Variants in SDK1 observed in about 807,000 individuals in gnomAD.
The protein encoded by SDK1 is protein sidekick-1.
A neutral mutation model predicts 245.5 loss-of-function variants in SDK1; 157 were observed. The ratio of observed to expected loss-of-function variants is 0.64; its 90% confidence interval spans 0.56 to 0.73. SDK1 has a LOEUF of 0.73. Among genes scored for constraint, SDK1 ranks in the 30% least tolerant of loss-of-function variants. SDK1 has a pLI of 0.00. For synonymous variants in SDK1, 1,647 were observed against 1,278.5 expected, an observed-to-expected ratio of 1.29 and a Z score of -6.15; for missense variants, 3,583 against 3,002.3, an observed-to-expected ratio of 1.19 and a Z score of -4.52.
At chr7:4,066,142 C>A (rs1393505788) in intron 19 of SDK1, among the ~76,000 whole-genome samples, 2 of 152,120 alleles carry the variant, frequency 1.3e-5, no homozygotes, top group East Asian at 3.9e-4. Context: ...TCATTCTTTT[C>A]CTCCCTTTTC....
At chr7:3,660,702 C>T (rs1318783897) in intron 4 of SDK1, among the ~76,000 whole-genome samples, 1 of 152,222 alleles carries the variant, frequency 6.6e-6, no homozygotes. Flanking sequence ...CTAGCTCATG[C>T]TTCACCCAGG....
intron 4 of SDK1, among the ~76,000 whole-genome samples, chr7:3,726,849 C>T (rs902241811): frequency 3.9e-5 from 6 of 152,198 alleles, no homozygotes; most frequent in African/African-American, 9.7e-5. Context: ...CTTTACTCAA[C>T]CCTTGACATG....
chr7:3,795,749 G>A (rs1778946598), intron 4 of SDK1, among the ~76,000 whole-genome samples: 2 of 152,130 alleles, frequency 1.3e-5, no homozygotes, highest in Admixed American at 1.3e-4. Flanking sequence ...AGTATTTGGT[G>A]TTCTTCCCAT....
chr7:4,060,604 T>G (rs1779477074), intron 19 of SDK1, among the ~76,000 whole-genome samples: 1 of 152,084 alleles, frequency 6.6e-6, no homozygotes, highest in African/African-American at 2.4e-5. Flanking sequence ...CTGTTCACTC[T>G]GATGGTAGTT....
At chr7:4,254,547 G>C (rs1192791406) in intron 44 of SDK1, among the ~76,000 whole-genome samples, 1 of 149,944 alleles carries the variant, frequency 6.7e-6, no homozygotes, top group Non-Finnish European at 1.5e-5. Context: ...GTCTCCTTTA[G>C]TTCTTTGAAC....
chr7:3,621,797 C>G (rs930806468), intron 2 of SDK1, among the ~76,000 whole-genome samples: 1 of 152,132 alleles, frequency 6.6e-6, no homozygotes, highest in Non-Finnish European at 1.5e-5. Context: ...TTAAAGAATT[C>G]TTTTGATTTT....
At chr7:3,519,586 G>GA (rs11461762) in intron 1 of SDK1, among the ~76,000 whole-genome samples, 106,099 of 151,892 alleles carry the variant, frequency 0.7, 37,387 homozygotes, top group South Asian at 0.81. Context: ...GAAATCCTGT[G>GA]AGTAGGTACT....
intron 17 of SDK1, among the ~76,000 whole-genome samples, chr7:4,040,361 C>G (rs1362288759): frequency 6.6e-6 from 1 of 152,100 alleles, no homozygotes; most frequent in African/African-American, 2.4e-5. Flanking sequence ...CCCGGGGGTC[C>G]GTGGCAACTG....
At chr7:4,083,843 G>C (rs548062701) in intron 22 of SDK1, among the ~76,000 whole-genome samples, 10 of 110,164 alleles carry the variant, frequency 9.1e-5, no homozygotes, top group Non-Finnish European at 1.4e-4. Context: ...CTCTCTCTCT[G>C]TCTGTCTCCC....
intron 5 of SDK1, among the ~76,000 whole-genome samples, chr7:3,899,478 G>C (rs567917192): frequency 2.0e-5 from 3 of 152,330 alleles, no homozygotes; most frequent in African/African-American, 7.2e-5. Flanking sequence ...TCTAGGAAGG[G>C]GGAGCAGTGT....
At chr7:4,193,314 A>C (rs1440632305) in intron 35 of SDK1, among the ~76,000 whole-genome samples, 1 of 136,898 alleles carries the variant, frequency 7.3e-6, no homozygotes, top group Non-Finnish European at 1.5e-5. Context: ...ATATTAATAT[A>C]TTTATACAAT....
chr7:3,826,070 G>A (rs914212797), intron 5 of SDK1, among the ~76,000 whole-genome samples: 3 of 152,124 alleles, frequency 2.0e-5, no homozygotes, highest in Non-Finnish European at 4.4e-5. Context: ...GCCATGCATC[G>A]AACCTGCTGT....
Position 3,940,581 on chromosome 7 carries a change from G to A in SDK1, c.848-10342G>A, listed in dbSNP as rs377260256. On this transcript the variant is annotated intron_variant, in intron 5 of 44. Transcript: ENST00000404826. ...GTGCTGACCGGGTGTGGTGGCTCAC[G>A]CCTGTAATCCCAGCACTTTGGGAGG... Among the ~76,000 whole-genome samples the A allele has an allele frequency of 4.2e-4, 64 of 152,156 alleles. No individual in the cohort carries two copies. The South Asian group carries it at 5.2e-3, about 12-fold the overall frequency.
chr7:3,383,317 G>A (rs966927438), intron 1 of SDK1, among the ~76,000 whole-genome samples: 1 of 152,048 alleles, frequency 6.6e-6, no homozygotes, highest in Non-Finnish European at 1.5e-5. Context: ...AGACTGAGAT[G>A]GAAGGATCAC....
At chr7:3,569,020 T>TC (rs397779159) in intron 1 of SDK1, among the ~76,000 whole-genome samples, 9 of 151,652 alleles carry the variant, frequency 5.9e-5, no homozygotes, top group Non-Finnish European at 1.0e-4. Context: ...TTTTTTTTTT[T>TC]CTAGTAACTC....
rs887361246 is a variant in SDK1 at position 3,651,804 on chromosome 7, C to T, written c.713+9699C>T. ...TGTAATTCAGGTTGCCTCAGAGGAA[C>T]GGCAATCAGAAGATAGCTGAGAGCA... is the stretch of plus-strand genomic sequence containing the variant. On this transcript the variant is annotated intron_variant, in intron 4 of 44. Coordinates refer to ENST00000404826, the MANE Select transcript of SDK1 (RefSeq NM_152744.4). Among the ~76,000 whole-genome samples, 3 of 152,064 alleles carry T rather than the reference C, an allele frequency of 2.0e-5. No individual in the cohort carries two copies. The East Asian group carries it at 5.8e-4, about 29-fold the overall frequency.
intron 1 of SDK1, among the ~76,000 whole-genome samples, chr7:3,617,236 A>T (rs1781799466): frequency 6.6e-6 from 1 of 152,236 alleles, no homozygotes. Context: ...TTATTCATTC[A>T]ACAGATATTT....
At chr7:4,029,426 G>A (rs1243371558) in intron 17 of SDK1, among the ~76,000 whole-genome samples, 1 of 152,028 alleles carries the variant, frequency 6.6e-6, no homozygotes, top group Non-Finnish European at 1.5e-5. Context: ...GGGCAGGCTG[G>A]TCTTGAACTT....
At chr7:3,592,804 T>C (rs1485583312) in intron 1 of SDK1, among the ~76,000 whole-genome samples, 1 of 152,202 alleles carries the variant, frequency 6.6e-6, no homozygotes, top group Non-Finnish European at 1.5e-5. Flanking sequence ...CCTTAACATA[T>C]GATCTGATTA....
Sources: gnomAD v4.1 joint callset for allele counts (sites outside exome capture counted in the v4.1 genomes callset) on GRCh38, gnomAD v4.1.1 for gene constraint, MANE v1.5 for transcripts, NCBI Gene and HGNC (gene_info 2026-07-23, HGNC 2026-07-21) for gene names.